Variants in DPP6 observed in about 807,000 individuals in gnomAD.
DPP6 encodes the protein dipeptidyl peptidase like 6, also known as A-type potassium channel modulatory protein DPP6.
Under a neutral mutation model 122.6 loss-of-function variants are expected in DPP6, and 69 were observed. The ratio of observed to expected loss-of-function variants is 0.56; its 90% confidence interval spans 0.46 to 0.69. DPP6 has a LOEUF of 0.69. DPP6 is among the 30% of genes least tolerant of loss of function. The pLI is 0.00. For synonymous variants in DPP6, 418 were observed against 433.1 expected (o/e 0.97, Z 0.43); for missense variants, 928 against 1,116.9 (o/e 0.83, Z 2.41).
At chr7:154,060,261 C>A (rs1290503684) in intron 1 of DPP6, among the ~76,000 whole-genome samples, 3 of 134,318 alleles carry the variant, frequency 2.2e-5, no homozygotes, top group Non-Finnish European at 5.0e-5. Flanking sequence ...GCGGAGGCAC[C>A]CCCCGCGAGG....
chr7:154,786,932 A>C (rs1002936801), intron 10 of DPP6, among the ~76,000 whole-genome samples: 1 of 152,184 alleles, frequency 6.6e-6, no homozygotes, highest in Non-Finnish European at 1.5e-5. Flanking sequence ...CAGCTCTGCA[A>C]GTGTCCAGGT....
intron 5 of DPP6, among the ~76,000 whole-genome samples, chr7:154,596,728 A>G (rs1833117407): frequency 6.6e-6 from 1 of 152,236 alleles, no homozygotes; most frequent in South Asian, 2.1e-4. Context: ...GTGCTGCTTT[A>G]TAAGAATAAT....
chr7:153,815,534 G>A, the DPP6 span, among the ~76,000 whole-genome samples: 2 of 139,518 alleles, frequency 1.4e-5, no homozygotes, highest in Non-Finnish European at 1.5e-5. Flanking sequence ...CCACCCCACA[G>A]CAGTCCCCAG....
chr7:154,883,121 T>TCACACATACA (rs1805551080), intron 21 of DPP6, among the ~76,000 whole-genome samples: 1 of 124,728 alleles, frequency 8.0e-6, no homozygotes, highest in Non-Finnish European at 1.7e-5. Flanking sequence ...ATACATGTGC[T>TCACACATACA]CACACATACA....
At position 154,634,547 on chromosome 7, in the gene DPP6, C is replaced by T. The variant is rs144533275; in HGVS notation, c.628-3274C>T. 1.4e-3 allele frequency among the ~76,000 whole-genome samples: 218 copies of T among 152,180 alleles called. 1 individual carries two copies. The highest frequency in any genetic ancestry group is 5.1e-3 in the African/African-American group (210 of 41,510). ...TATTCTATTCTAGTCCCCATGCATACATTTTGGTTTTGATTTGGTTTGGTT... is the reference window on the plus strand; with the variant it reads ...TATTCTATTCTAGTCCCCATGCATATATTTTGGTTTTGATTTGGTTTGGTT... On this transcript the variant is annotated intron_variant, in intron 5 of 25. Coordinates refer to ENST00000377770, the MANE Select transcript of DPP6 (RefSeq NM_130797.4).
In DPP6 at chr7:154,818,581, T is replaced by A. The variant is rs142897315; in HGVS notation, c.1666+11469T>A. Reference sequence around the variant, plus strand: ...TCTTATTAGCCTCAAACATGTAGGGTGCTATTGACTCCCAACAGCAAATTT... The same window carrying A: ...TCTTATTAGCCTCAAACATGTAGGGAGCTATTGACTCCCAACAGCAAATTT... On this transcript the variant is annotated intron_variant, in intron 16 of 25. Transcript: ENST00000377770. Among the ~76,000 whole-genome samples, 285 of 152,340 alleles carry A rather than the reference T, an allele frequency of 1.9e-3. 1 individual carries two copies. The highest frequency in any genetic ancestry group is 6.6e-3 in the African/African-American group (276 of 41,568).
At chr7:154,856,176 T>C (rs1047349386) in intron 17 of DPP6, among the ~76,000 whole-genome samples, 1 of 152,266 alleles carries the variant, frequency 6.6e-6, no homozygotes, top group African/African-American at 2.4e-5. Flanking sequence ...AAAAATATGA[T>C]ATAGCATATG....
At chr7:154,632,628 A>G (rs148145190) in intron 5 of DPP6, among the ~76,000 whole-genome samples, 112 of 152,266 alleles carry the variant, frequency 7.4e-4, no homozygotes, top group African/African-American at 2.4e-3. Flanking sequence ...CATCTGATAT[A>G]TTGGTCTGTA....
At chr7:153,927,331 A>C (rs1800947764) in intron 1 of DPP6, among the ~76,000 whole-genome samples, 3 of 152,206 alleles carry the variant, frequency 2.0e-5, no homozygotes, top group African/African-American at 7.2e-5. Context: ...ATGAGTAAAT[A>C]AATCATAAAA....
rs1045192070 is a variant in DPP6 at position 153,932,422 on chromosome 7, C to G, written c.51+44688C>G. ...ACAGGTGTAGGCCACTGTGCCCAGC[C>G]TATCATTTTGTTTATATGAACTATA... On this transcript the variant is annotated intron_variant, in intron 1 of 25. Transcript: ENST00000404039. 3.3e-5 allele frequency among the ~76,000 whole-genome samples: 5 copies of G among 152,174 alleles called. 1 individual carries two copies. The highest frequency in any genetic ancestry group is 2.0e-4 in the Admixed American group (3 of 15,280).
At chr7:154,583,749 A>G (rs1003582237) in intron 5 of DPP6, among the ~76,000 whole-genome samples, 1 of 152,074 alleles carries the variant, frequency 6.6e-6, no homozygotes, top group African/African-American at 2.4e-5. Flanking sequence ...CCCGCATCAC[A>G]TCTCTGTTCT....
In DPP6 at chr7:154,061,633, C is replaced by G. The variant is rs1336102460; in HGVS notation, c.243+8570C>G. Among the ~76,000 whole-genome samples the G allele has an allele frequency of 2.1e-5, 3 of 142,448 alleles. 1 individual carries two copies. The highest frequency in any genetic ancestry group is 7.9e-5 in the African/African-American group (3 of 37,956). The allele number at this position is 142,448 out of a possible 152,430, so 93.5% of individuals were successfully genotyped here. A position where few individuals can be genotyped will look rare whatever the true frequency, so the allele number is the denominator to read the frequency against. On this transcript the variant is annotated intron_variant, in intron 1 of 25. Transcript: ENST00000377770. ...TCCCATCACAGGGGGGGGAGGCACC[C>G]GCTGCGAGGCGGGGACTCAGAGCCA... is the stretch of plus-strand genomic sequence containing the variant.
the DPP6 span, among the ~76,000 whole-genome samples, chr7:153,758,762 CT>C: frequency 6.6e-6 from 1 of 150,854 alleles, no homozygotes; most frequent in Non-Finnish European, 1.5e-5. Flanking sequence ...GTTTGTGTAT[CT>C]ATTCACATGT....
chr7:153,914,187 C>T (rs982879356), intron 1 of DPP6, among the ~76,000 whole-genome samples: 1 of 152,186 alleles, frequency 6.6e-6, no homozygotes, highest in African/African-American at 2.4e-5. Flanking sequence ...TTTATAAGGG[C>T]AGAGTTTCCC....
At chr7:154,193,501 A>G (rs1309645189) in intron 1 of DPP6, among the ~76,000 whole-genome samples, 1 of 152,160 alleles carries the variant, frequency 6.6e-6, no homozygotes, top group Non-Finnish European at 1.5e-5. Flanking sequence ...ATTTGGTTGC[A>G]GGGATACGAA....
At chr7:154,430,856 G>A (rs1818292997) in intron 1 of DPP6, among the ~76,000 whole-genome samples, 1 of 151,546 alleles carries the variant, frequency 6.6e-6, no homozygotes, top group Non-Finnish European at 1.5e-5. Context: ...GGCACATGGT[G>A]GAGGCAAACC....
chr7:154,350,167 A>C (rs1464133643), intron 1 of DPP6, among the ~76,000 whole-genome samples: 1 of 152,154 alleles, frequency 6.6e-6, no homozygotes, highest in African/African-American at 2.4e-5. Flanking sequence ...ACTTCACCCT[A>C]TGGTTGATGG....
intron 1 of DPP6, among the ~76,000 whole-genome samples, chr7:153,957,307 C>CA (rs1204847907): frequency 6.6e-6 from 1 of 152,206 alleles, no homozygotes; most frequent in Admixed American, 6.5e-5. Flanking sequence ...CCTCCCCGCT[C>CA]ACTAGCAAGT....
rs1320015932 is a variant in DPP6, at chr7:154,376,183, G to A, written c.244-70031G>A. The stretch of plus-strand genomic sequence containing the variant: ...TGGCCATGTGGAGATTCCCATGTGC[G>A]GGGAAGGGCTGCTGGGCTGAGGACC... On this transcript the variant is annotated intron_variant, in intron 1 of 25. Coordinates refer to ENST00000377770, the MANE Select transcript of DPP6 (RefSeq NM_130797.4). Among the ~76,000 whole-genome samples, 5 of 152,226 alleles carry A rather than the reference G, an allele frequency of 3.3e-5. No individual in the cohort carries two copies. The East Asian group carries it at 7.7e-4, about 23-fold the overall frequency.
Sources: allele counts gnomAD v4.1 joint callset (sites outside exome capture counted in the v4.1 genomes callset), GRCh38; gene constraint gnomAD v4.1.1; transcripts MANE v1.5; gene names NCBI Gene and HGNC (gene_info 2026-07-23, HGNC 2026-07-21).